Variants in NDUFA10 observed in about 807,000 individuals in gnomAD.
NDUFA10 encodes the protein NADH:ubiquinone oxidoreductase subunit A10.
Under a neutral mutation model 47.8 loss-of-function variants are expected in NDUFA10, and 40 were observed. The ratio of observed to expected loss-of-function variants is 0.84; its 90% CI spans 0.65 to 1.09. The LOEUF is 1.09. Among genes scored for constraint, NDUFA10 ranks in the 50% least tolerant of loss-of-function variants. The probability of loss-of-function intolerance (pLI) is 0.00; values close to 1 mark genes in which losing one functional copy is unlikely to be tolerated. For missense variants in NDUFA10, 413 were observed against 451.1 expected (o/e 0.92, Z 0.76); for synonymous variants, 183 against 172.2 (o/e 1.06, Z -0.49).
downstream of NDUFA10, among the ~76,000 whole-genome samples, chr2:239,956,408 G>C (rs1170975594): frequency 2.6e-5 from 4 of 152,186 alleles, no homozygotes; most frequent in Non-Finnish European, 4.4e-5. Context: ...CGTGGGGCCT[G>C]AGCACGTGGG....
intron 4 of NDUFA10, among the ~76,000 whole-genome samples, chr2:239,914,009 C>T (rs570938688): frequency 3.9e-5 from 6 of 152,290 alleles, no homozygotes; most frequent in Middle Eastern, 3.4e-3. Flanking sequence ...CTGAGGCGGA[C>T]GTGGACTTAG....
At chr2:239,980,086 G>A (rs1048867843) in intron 9 of NDUFA10, among the ~76,000 whole-genome samples, 3 of 152,006 alleles carry the variant, frequency 2.0e-5, no homozygotes, top group Middle Eastern at 3.2e-3. Context: ...CAGCCTCCTC[G>A]CTGTGCTTTC....
chr2:239,911,563 C>T (rs988297338), intron 4 of NDUFA10, among the ~76,000 whole-genome samples: 3 of 152,140 alleles, frequency 2.0e-5, no homozygotes, highest in Non-Finnish European at 2.9e-5. Context: ...AGTTTCAGTA[C>T]GGCAGAGCTG....
chr2:239,997,584 C>G (rs1395918865), intron 8 of NDUFA10, among the ~76,000 whole-genome samples: 2 of 152,168 alleles, frequency 1.3e-5, no homozygotes, highest in African/African-American at 4.8e-5. Context: ...TTCATATACT[C>G]TGACCACTTT....
intron 3 of NDUFA10, 26 bp from the exon 4 acceptor site, chr2:240,018,665 T>C (rs757034217): frequency 1.4e-5 from 23 of 1,612,186 alleles, no homozygotes; most frequent in South Asian, 4.4e-5. Flanking sequence ...CAAACAGAAA[T>C]TGAAAATCAG....
chr2:239,935,805 T>C (rs769974158), intron 4 of NDUFA10, among the ~76,000 whole-genome samples: 2 of 152,208 alleles, frequency 1.3e-5, no homozygotes, highest in African/African-American at 2.4e-5. Flanking sequence ...ATGTAAGACA[T>C]GCCTTTCACC....
rs538262479 is a variant in NDUFA10 at position 239,989,467 on chromosome 2, C to A, written c.999+607G>T. Among the ~76,000 whole-genome samples the A allele has an allele frequency of 5.2e-5, 8 of 152,398 alleles. No individual in the cohort carries two copies. The South Asian group carries it at 1.7e-3, about 32-fold the overall frequency. ...CACTGCCGCGGATATGGATCGTGCT[C>A]TTCCCAGTCCACTGACATTGGGATT... On this transcript the variant is annotated intron_variant, in intron 9 of 9. Coordinates refer to ENST00000252711, the MANE Select transcript of NDUFA10 (RefSeq NM_004544.4).
At chr2:239,954,667 G>A (rs1485924681), downstream of NDUFA10, among the ~76,000 whole-genome samples, 1 of 152,262 alleles carries the variant, frequency 6.6e-6, no homozygotes, top group Non-Finnish European at 1.5e-5. Flanking sequence ...ATGCAAAGGA[G>A]GGGCTGTTTT....
At chr2:239,939,156 G>A (rs550630568) in intron 4 of NDUFA10, among the ~76,000 whole-genome samples, 13 of 152,314 alleles carry the variant, frequency 8.5e-5, no homozygotes, top group Admixed American at 3.9e-4. Context: ...CCAGCTGCCC[G>A]CGTTTCATGC....
At chr2:239,982,726 C>A (rs1168453502) in intron 9 of NDUFA10, among the ~76,000 whole-genome samples, 1 of 152,238 alleles carries the variant, frequency 6.6e-6, no homozygotes, top group African/African-American at 2.4e-5. Flanking sequence ...CCAAGAGAAA[C>A]TACATTTTCA....
At chr2:239,898,387 A>G (rs576341284) in intron 4 of NDUFA10, among the ~76,000 whole-genome samples, 7 of 152,328 alleles carry the variant, frequency 4.6e-5, no homozygotes, top group Admixed American at 3.3e-4. Flanking sequence ...GCCAGCCTCC[A>G]GAGTCAGGAA....
intron 8 of NDUFA10, among the ~76,000 whole-genome samples, chr2:239,992,308 T>G (rs1696283491): frequency 2.0e-5 from 3 of 152,318 alleles, no homozygotes; most frequent in Non-Finnish European, 1.5e-5. Context: ...GGTTACAATA[T>G]GAGGTGCTGG....
intron 4 of NDUFA10, among the ~76,000 whole-genome samples, chr2:239,935,871 C>T (rs550844955): frequency 1.3e-5 from 2 of 152,282 alleles, no homozygotes; most frequent in African/African-American, 2.4e-5. Context: ...TCCATTAAAC[C>T]TCTTTTTCTT....
chr2:239,915,712 T>C (rs111162910), intron 4 of NDUFA10, among the ~76,000 whole-genome samples: 28,261 of 134,830 alleles, frequency 0.21, 2,915 homozygotes, highest in African/African-American at 0.34. Flanking sequence ...TACACAGACA[T>C]ACACAAATAT....
At position 239,961,096 on chromosome 2, in the gene NDUFA10, G is replaced by A. The variant is rs1194477516; in HGVS notation, c.*22C>T. ...GCAGCTTGGCCATCACTGTGATGCAGCTGGAGCAGAAGGCGGCCCGTTCAC... is the reference window on the plus strand; with the variant it reads ...GCAGCTTGGCCATCACTGTGATGCAACTGGAGCAGAAGGCGGCCCGTTCAC... On this transcript the variant is annotated 3_prime_UTR_variant, in exon 10 of 10. Coordinates refer to ENST00000252711, the MANE Select transcript of NDUFA10 (RefSeq NM_004544.4). 2.5e-6 allele frequency: 4 copies of A among 1,614,030 alleles called. No individual in the cohort carries two copies. The South Asian group carries it at 3.3e-5, about 13-fold the overall frequency.
chr2:240,018,357 A>T, intron 4 of NDUFA10, 196 bp downstream of exon 4: 1 of 1,490,294 alleles, frequency 6.7e-7, no homozygotes, highest in Non-Finnish European at 9.0e-7. Flanking sequence ...ACAGCACAAA[A>T]GACACCTATT....
intron 4 of NDUFA10, among the ~76,000 whole-genome samples, chr2:239,913,598 C>T (rs965256604): frequency 2.0e-5 from 3 of 152,242 alleles, no homozygotes; most frequent in East Asian, 1.9e-4. Flanking sequence ...CTGGGCCACA[C>T]GGCCCAAGGG....
At chr2:239,998,062 C>A (rs1407071991) in intron 8 of NDUFA10, among the ~76,000 whole-genome samples, 1 of 152,218 alleles carries the variant, frequency 6.6e-6, no homozygotes, top group African/African-American at 2.4e-5. Context: ...TATGCACACA[C>A]AAATATTTAA....
chr2:239,982,020 C>A (rs1318468847), intron 9 of NDUFA10: 3 of 1,508,234 alleles, frequency 2.0e-6, no homozygotes, highest in Non-Finnish European at 2.7e-6. Context: ...TAACCGGCTG[C>A]CAACTACCTT....
Sources: allele counts gnomAD v4.1 joint callset (sites outside exome capture counted in the v4.1 genomes callset), GRCh38; gene constraint gnomAD v4.1.1; transcripts MANE v1.5; gene names NCBI Gene and HGNC (gene_info 2026-07-23, HGNC 2026-07-21).